KIRREL1: variants seen among roughly 807,000 people sequenced by gnomAD.
KIRREL1 encodes kin of IRRE-like protein 1.
Under a neutral mutation model 83.3 loss-of-function variants are expected in KIRREL1, and 25 were observed. The observed-to-expected ratio is 0.30, with a 90% confidence interval of 0.22 to 0.42. The LOEUF is 0.42. Among genes scored for constraint, KIRREL1 ranks in the 10% least tolerant of loss-of-function variants. The pLI is 1.00. For synonymous variants in KIRREL1, 388 were observed against 410.4 expected (o/e 0.95, Z 0.66); for missense variants, 812 against 1,032.3 (o/e 0.79, Z 2.92).
chr1:158,011,476 G>A (rs1220437827), intron 1 of KIRREL1, among the ~76,000 whole-genome samples: 1 of 152,212 alleles, frequency 6.6e-6, no homozygotes, highest in African/African-American at 2.4e-5. Flanking sequence ...AGCGGCTGGT[G>A]CCTCCTCTGT....
rs566051690 is a variant in KIRREL1, at chr1:157,997,880, GATTT to G, written c.52+4165_52+4168del. Among the ~76,000 whole-genome samples the G allele has an allele frequency of 4.2e-3, 644 of 152,264 alleles. 5 individuals are homozygous for G. The highest frequency in any genetic ancestry group is 5.6e-3 in the Non-Finnish European group (382 of 68,016). On this transcript the variant is annotated intron_variant, in intron 1 of 14. Coordinates refer to ENST00000359209, the MANE Select transcript of KIRREL1 (RefSeq NM_018240.7). ...CCCCATTTCATGGATGAGAAACTGA[GATTT>G]ATTTATTTATTTTTTTAGATAGGGT...
intron 1 of KIRREL1, among the ~76,000 whole-genome samples, chr1:158,063,416 A>G (rs1167819597): frequency 6.6e-6 from 1 of 152,212 alleles, no homozygotes; most frequent in Admixed American, 6.5e-5. Context: ...GAGTATTCAG[A>G]TTGCATGGGT....
chr1:158,073,217 C>T (rs1212649447), intron 1 of KIRREL1, among the ~76,000 whole-genome samples: 8 of 152,276 alleles, frequency 5.3e-5, no homozygotes, highest in African/African-American at 1.9e-4. Flanking sequence ...CTTTACTTCC[C>T]CTCCTTTCTG....
rs754958689 is a variant in KIRREL1 at position 158,094,314 on chromosome 1, C to T, written c.1721C>T (p.Ser574Leu). The T allele has an allele frequency of 5.6e-6, 9 of 1,603,644 alleles. No individual in the cohort carries two copies. The highest frequency in any genetic ancestry group is 7.7e-6 in the Non-Finnish European group (9 of 1,176,052). Residue 574 changes from serine to leucine, a missense_variant and splice_region_variant, in exon 14 of 15, where the codon TCG becomes TTG. Physicochemically the swap from Ser to Leu is moderately radical, Grantham distance 145. Transcript: ENST00000359209. The surrounding 1 kb of genome is among the most constrained non-coding windows in gnomAD (Gnocchi z 4.6). ...ATRVMKAIYS[S>L]FKDDVDLKQD... ...CGTCCCACTCCTGCTGCTCCACAGT[C>T]GTTTAAGGATGATGTGGATCTGAAG...
chr1:157,995,744 C>T (rs1308822643), intron 1 of KIRREL1, among the ~76,000 whole-genome samples: 1 of 152,028 alleles, frequency 6.6e-6, no homozygotes, highest in African/African-American at 2.4e-5. Context: ...GCTGAGCTCC[C>T]ACTTCTCTGC....
rs574246860 is a variant in KIRREL1 at position 158,067,318 on chromosome 1, C to G, written c.53-8795C>G. 2.0e-5 allele frequency among the ~76,000 whole-genome samples: 3 copies of G among 152,158 alleles called. No homozygotes were observed. The South Asian group carries it at 6.2e-4, about 32-fold the overall frequency. On this transcript the variant is annotated intron_variant, in intron 1 of 14. Coordinates refer to ENST00000359209, the MANE Select transcript of KIRREL1 (RefSeq NM_018240.7). ...AAGGATGGCCTCTCTTCTCCTATGC[C>G]GGATACCTCATCTGGGTCCTCAGCC...
At chr1:158,072,155 C>T (rs951877684) in intron 1 of KIRREL1, among the ~76,000 whole-genome samples, 2 of 152,076 alleles carry the variant, frequency 1.3e-5, no homozygotes, top group Admixed American at 1.3e-4. Context: ...CTCCAAGTTC[C>T]ACCCAGCATT....
In KIRREL1 at chr1:158,094,290, G is replaced by A. The variant is rs369544916; in HGVS notation, c.1720-23G>A. The A allele has an allele frequency of 1.4e-5, 22 of 1,587,666 alleles. No homozygotes were observed. The highest frequency in any genetic ancestry group is 1.7e-4 in the Middle Eastern group (1 of 6,020). On this transcript the variant is annotated intron_variant, in intron 13 of 14. Coordinates refer to ENST00000359209, the MANE Select transcript of KIRREL1 (RefSeq NM_018240.7). The surrounding 1 kb of genome is among the most constrained non-coding windows in gnomAD (Gnocchi z 4.6). ...AAGAGCAGGGCTTCCGTCTGCTGAC[G>A]TCCCACTCCTGCTGCTCCACAGTCG...
intron 1 of KIRREL1, among the ~76,000 whole-genome samples, chr1:158,006,012 C>T (rs1400608750): frequency 2.0e-5 from 3 of 152,188 alleles, no homozygotes; most frequent in Non-Finnish European, 4.4e-5. Context: ...CTGCTCTTCT[C>T]TCCCAGAAAA....
chr1:158,006,117 A>G (rs1659513205), intron 1 of KIRREL1, among the ~76,000 whole-genome samples: 1 of 152,160 alleles, frequency 6.6e-6, no homozygotes, highest in South Asian at 2.1e-4. Flanking sequence ...GGAACACAGA[A>G]CCTGTGGTGA....
chr1:157,999,798 C>T (rs1374289875), intron 1 of KIRREL1, among the ~76,000 whole-genome samples: 1 of 151,976 alleles, frequency 6.6e-6, no homozygotes, highest in African/African-American at 2.4e-5. Flanking sequence ...AATGTGAAAC[C>T]AGGGAGGAGG....
chr1:157,995,092 G>A (rs573904044), intron 1 of KIRREL1, among the ~76,000 whole-genome samples: 1 of 152,238 alleles, frequency 6.6e-6, no homozygotes, highest in African/African-American at 2.4e-5. Context: ...TCTGGGAATG[G>A]ATCTGGGTAG....
chr1:158,077,431 G>A (rs965843148), intron 2 of KIRREL1, among the ~76,000 whole-genome samples: 6 of 152,170 alleles, frequency 3.9e-5, no homozygotes, highest in Admixed American at 3.9e-4. Context: ...GGGGAGCCTG[G>A]AGGAAGGAGG....
intron 1 of KIRREL1, among the ~76,000 whole-genome samples, chr1:158,021,102 T>C (rs1353590092): frequency 1.3e-5 from 2 of 152,286 alleles, no homozygotes; most frequent in East Asian, 3.9e-4. Flanking sequence ...CAATGTGGGC[T>C]GGCATTGAGG....
chr1:158,009,086 G>A (rs1217917373), intron 1 of KIRREL1, among the ~76,000 whole-genome samples: 2 of 152,148 alleles, frequency 1.3e-5, no homozygotes, highest in African/African-American at 2.4e-5. Context: ...ACCTTTGCCC[G>A]TGAGTTGGAC....
chr1:158,015,066 T>G (rs983493553), intron 1 of KIRREL1, among the ~76,000 whole-genome samples: 1 of 152,272 alleles, frequency 6.6e-6, no homozygotes, highest in Non-Finnish European at 1.5e-5. Context: ...TTTTTTTTAT[T>G]GCCAAAGTAC....
In KIRREL1 at chr1:158,093,650, T is replaced by C; in HGVS notation, c.1607T>C (p.Leu536Pro). 6.2e-7 allele frequency: 1 copy of C among 1,614,188 alleles called. No individual in the cohort carries two copies. Among genetic ancestry groups the C allele is most frequent in the Non-Finnish European group, 8.5e-7 (1 of 1,180,030 alleles). The change falls in exon 13 of 15, where the codon CTG (leucine) becomes CCG (proline). Residue 536 changes from leucine (L) to proline (P), a missense_variant. By Grantham distance (98) the Leu-to-Pro change is moderately conservative. Transcript: ENST00000359209. ...CGCAAAGACGTGACCCTGAGGAAGC[T>C]GGATATCAAGGTGGAGACAGTGAAC... Reference protein sequence around the residue: ...GSRKDVTLRKLDIKVETVNRE... With the variant: ...GSRKDVTLRKPDIKVETVNRE...
chr1:158,050,299 T>G (rs781667242), intron 1 of KIRREL1, among the ~76,000 whole-genome samples: 67 of 152,184 alleles, frequency 4.4e-4, no homozygotes, highest in Non-Finnish European at 5.6e-4. Flanking sequence ...GAAATTTCCT[T>G]GACTCCTTGA....
At chr1:158,074,278 C>T (rs1353276517) in intron 1 of KIRREL1, among the ~76,000 whole-genome samples, 4 of 152,128 alleles carry the variant, frequency 2.6e-5, no homozygotes, top group Non-Finnish European at 5.9e-5. Context: ...CCCCTGCAGA[C>T]CCAAAGACCT....
Sources: allele counts gnomAD v4.1 joint callset (sites outside exome capture counted in the v4.1 genomes callset), GRCh38; gene constraint gnomAD v4.1.1; non-coding constraint Gnocchi (gnomAD v3.1); transcripts MANE v1.5; gene names NCBI Gene and HGNC (gene_info 2026-07-23, HGNC 2026-07-21).